PRELID2: variants seen among roughly 807,000 people sequenced by gnomAD.
PRELID2 encodes PRELI domain-containing protein 2.
Under a neutral mutation model 28.4 loss-of-function variants are expected in PRELID2, and 25 were observed. The ratio of observed to expected loss-of-function variants is 0.88; its 90% CI spans 0.64 to 1.23. PRELID2 has a LOEUF of 1.23. Ranked by LOEUF, PRELID2 falls within the 50% of genes most tolerant of loss-of-function variation. The probability of loss-of-function intolerance (pLI) is 0.00; values close to 1 mark genes in which losing one functional copy is unlikely to be tolerated. For synonymous variants in PRELID2, 76 were observed against 71.6 expected, an observed-to-expected ratio of 1.06 and a Z score of -0.31; for missense variants, 201 against 214.4, an observed-to-expected ratio of 0.94 and a Z score of 0.39.
chr5:145,382,770 G>C, the PRELID2 span, among the ~76,000 whole-genome samples: 1 of 151,808 alleles, frequency 6.6e-6, no homozygotes, highest in Non-Finnish European at 1.5e-5. Flanking sequence ...GCATTTACTT[G>C]TCTGGAAAAT....
At chr5:145,812,296 T>C (rs1365895497) in intron 4 of PRELID2, among the ~76,000 whole-genome samples, 1 of 148,210 alleles carries the variant, frequency 6.7e-6, no homozygotes, top group Non-Finnish European at 1.5e-5. Context: ...CAGAGAAAGG[T>C]AGAGCCAAAA....
intron 5 of PRELID2, among the ~76,000 whole-genome samples, chr5:145,766,951 T>C (rs1402802060): frequency 2.0e-5 from 3 of 152,142 alleles, no homozygotes; most frequent in African/African-American, 4.8e-5. Context: ...CCTGAGTCTG[T>C]ATGTGTGTAA....
the PRELID2 span, among the ~76,000 whole-genome samples, chr5:145,353,280 A>G: frequency 6.6e-6 from 1 of 152,000 alleles, no homozygotes; most frequent in Non-Finnish European, 1.5e-5. Context: ...CAACATAGCC[A>G]GTTTCTACTA....
chr5:145,432,525 G>A, the PRELID2 span, among the ~76,000 whole-genome samples: 1 of 149,982 alleles, frequency 6.7e-6, no homozygotes, highest in African/African-American at 2.5e-5. Flanking sequence ...CTAATTTCAA[G>A]AAATTCAAAG....
intron 1 of PRELID2, among the ~76,000 whole-genome samples, chr5:145,743,707 A>G (rs1208834635): frequency 6.6e-6 from 1 of 152,190 alleles, no homozygotes; most frequent in African/African-American, 2.4e-5. Flanking sequence ...CCCACTGGCG[A>G]AACCACGCTA....
chr5:145,824,731 C>T (rs1024848179), intron 1 of PRELID2, among the ~76,000 whole-genome samples: 2 of 152,094 alleles, frequency 1.3e-5, no homozygotes, highest in Non-Finnish European at 2.9e-5. Flanking sequence ...AATGAGCCTG[C>T]CTTCAGTCAG....
At chr5:145,736,220 T>C (rs963252742) in intron 1 of PRELID2, among the ~76,000 whole-genome samples, 1 of 152,362 alleles carries the variant, frequency 6.6e-6, no homozygotes, top group African/African-American at 2.4e-5. Flanking sequence ...TACAGTGGGA[T>C]CACATATTTG....
At chr5:145,825,959 A>C (rs2149880415) in intron 1 of PRELID2, 1 of 908,068 alleles carries the variant, frequency 1.1e-6, no homozygotes, top group South Asian at 5.1e-5. Flanking sequence ...AAGTTGAAAG[A>C]GGGAAGGCTT....
intron 1 of PRELID2, among the ~76,000 whole-genome samples, chr5:145,711,527 CA>C (rs1000249589): frequency 5.3e-5 from 8 of 152,184 alleles, no homozygotes; most frequent in Admixed American, 2.6e-4. Flanking sequence ...GCCCCAGCCA[CA>C]AATCTGCAGC....
the PRELID2 span, among the ~76,000 whole-genome samples, chr5:145,413,532 T>C: frequency 1.3e-5 from 2 of 152,070 alleles, no homozygotes; most frequent in Non-Finnish European, 2.9e-5. Context: ...CATATGCATG[T>C]TGATAGCAGC....
intron 1 of PRELID2, among the ~76,000 whole-genome samples, chr5:145,724,704 G>A (rs1480885557): frequency 4.5e-5 from 6 of 132,890 alleles, no homozygotes; most frequent in Non-Finnish European, 3.2e-5. Flanking sequence ...GAATGTATGT[G>A]TATACATATT....
At chr5:145,698,284 A>G (rs1211965869) in intron 1 of PRELID2, among the ~76,000 whole-genome samples, 5 of 152,240 alleles carry the variant, frequency 3.3e-5, no homozygotes, top group Non-Finnish European at 5.9e-5. Flanking sequence ...CCTGTAGTAT[A>G]CATTCATCAC....
chr5:145,443,612 A>G, the PRELID2 span, among the ~76,000 whole-genome samples: 1,628 of 152,246 alleles, frequency 0.011, 34 homozygotes, highest in African/African-American at 0.037. Context: ...GGGCATGCAA[A>G]GTTAACAAAT....
rs116303389 is a variant in PRELID2, at chr5:145,662,439, T to C, written n.70+102492A>G. Among the ~76,000 whole-genome samples, 1,021 of 152,230 alleles carry C rather than the reference T, an allele frequency of 6.7e-3. 12 individuals carry two copies. The highest frequency in any genetic ancestry group is 0.024 in the African/African-American group (986 of 41,540). ...GTTCAGTACTTGCTGGATTACAGTGTAGGGAGAAAGAAAAGGGCAATGCTC... is the reference window on the plus strand; with the variant it reads ...GTTCAGTACTTGCTGGATTACAGTGCAGGGAGAAAGAAAAGGGCAATGCTC... On this transcript the variant is annotated intron_variant and non_coding_transcript_variant, in intron 1 of 2. Transcript: ENST00000510259.
chr5:145,627,097 CAAAAAAAAAAAAAAAAAAAAA>C (rs745309247), intron 1 of PRELID2, among the ~76,000 whole-genome samples: 425 of 41,782 alleles, frequency 0.01, 6 homozygotes, highest in Middle Eastern at 0.025. Flanking sequence ...AAGACTCTCC[CAAAAAAAAAAAAAAAAAAAAA>C]AAAAAAAAAA....
At chr5:145,669,148 T>C (rs918027168) in intron 1 of PRELID2, among the ~76,000 whole-genome samples, 2 of 152,098 alleles carry the variant, frequency 1.3e-5, no homozygotes, top group Non-Finnish European at 2.9e-5. Flanking sequence ...GTTAAACTAA[T>C]TGGGCCGCAT....
In PRELID2 at chr5:145,760,243, T is replaced by C. The variant is rs1757408822; in HGVS notation, c.*293A>G. 1 of 152,086 alleles carries C rather than the reference T, an allele frequency of 6.6e-6. No homozygotes were observed. Among genetic ancestry groups the C allele is most frequent in the Non-Finnish European group, 1.5e-5 (1 of 68,026 alleles). The allele number at this position is 152,086 out of a possible 1,614,324, so 9.4% of individuals were successfully genotyped here. A position where few individuals can be genotyped will look rare whatever the true frequency, so the allele number is the denominator to read the frequency against. ...AACACCCTGAGGAAGGGCACACATATCTTACATGGTTCTTTTTTCCTTTAT... is the reference window on the plus strand; with the variant it reads ...AACACCCTGAGGAAGGGCACACATACCTTACATGGTTCTTTTTTCCTTTAT... On this transcript the variant is annotated 3_prime_UTR_variant, in exon 7 of 7. Transcript: ENST00000683046.
At chr5:145,668,693 C>T (rs1754645160) in intron 1 of PRELID2, among the ~76,000 whole-genome samples, 1 of 152,082 alleles carries the variant, frequency 6.6e-6, no homozygotes, top group Non-Finnish European at 1.5e-5. Flanking sequence ...ATAACTATTA[C>T]CTACATTACA....
At chr5:145,784,278 G>A (rs1751843909) in intron 5 of PRELID2, among the ~76,000 whole-genome samples, 1 of 151,554 alleles carries the variant, frequency 6.6e-6, no homozygotes, top group Non-Finnish European at 1.5e-5. Flanking sequence ...ATTCATGGAG[G>A]TGGACTAAAG....
Sources: gnomAD v4.1 joint callset for allele counts (sites outside exome capture counted in the v4.1 genomes callset) on GRCh38, gnomAD v4.1.1 for gene constraint, MANE v1.5 for transcripts, NCBI Gene and HGNC (gene_info 2026-07-23, HGNC 2026-07-21) for gene names.